The following PALS2 variants were observed in gnomAD, a reference collection of about 807,000 sequenced individuals.
PALS2 encodes protein PALS2.
PALS2 carries 27 observed loss-of-function variants against 61.6 expected under a neutral mutation model. That is an observed-to-expected ratio of 0.44 (90% confidence interval 0.32 to 0.60). The LOEUF (loss-of-function observed/expected upper bound fraction) is 0.60. Ranked by LOEUF, PALS2 falls within the 20% of genes least tolerant of loss-of-function variation. The pLI, the probability that PALS2 is intolerant of heterozygous loss-of-function variation, is 0.05. For synonymous variants in PALS2, 236 were observed against 218.6 expected, an observed-to-expected ratio of 1.08 and a Z score of -0.70; for missense variants, 554 against 639.4, an observed-to-expected ratio of 0.87 and a Z score of 1.44.
intron 5 of PALS2, among the ~76,000 whole-genome samples, chr7:24,654,173 A>G (rs1019382225): frequency 1.3e-5 from 2 of 151,982 alleles, no homozygotes; most frequent in East Asian, 3.8e-4. Flanking sequence ...AATTAGCCAG[A>G]AAATAGTTTA....
At chr7:24,650,793 C>T (rs1409394070) in intron 5 of PALS2, 81 bp downstream of exon 5, 1 of 983,440 alleles carries the variant, frequency 1.0e-6, no homozygotes, top group Admixed American at 3.1e-5. Context: ...TCAGTTGCTA[C>T]TATTTTGCTA....
chr7:24,646,362 A>T (rs1785833469), intron 3 of PALS2, among the ~76,000 whole-genome samples: 1 of 152,112 alleles, frequency 6.6e-6, no homozygotes, highest in Non-Finnish European at 1.5e-5. Context: ...TTTAACATGA[A>T]GGGTTGTTGA....
At chr7:24,632,610 A>G (rs1488830310) in intron 2 of PALS2, among the ~76,000 whole-genome samples, 2 of 152,116 alleles carry the variant, frequency 1.3e-5, no homozygotes, top group African/African-American at 4.8e-5. Context: ...GGTGGTCTCA[A>G]TCTCCTGACC....
At chr7:24,643,401 A>G (rs573016689) in intron 3 of PALS2, among the ~76,000 whole-genome samples, 3 of 152,206 alleles carry the variant, frequency 2.0e-5, no homozygotes, top group African/African-American at 7.2e-5. Flanking sequence ...TTGTACTCTT[A>G]GCGCATATTC....
At chr7:24,655,691 C>T (rs375183803) in intron 5 of PALS2, among the ~76,000 whole-genome samples, 2 of 129,926 alleles carry the variant, frequency 1.5e-5, no homozygotes, top group African/African-American at 5.9e-5. Flanking sequence ...GGTTGGAGTG[C>T]AGTGGCGTGA....
At chr7:24,655,687 A>C (rs1206727909) in intron 5 of PALS2, among the ~76,000 whole-genome samples, 1 of 122,132 alleles carries the variant, frequency 8.2e-6, no homozygotes, top group Non-Finnish European at 1.6e-5. Flanking sequence ...CCCAGGTTGG[A>C]GTGCAGTGGC....
chr7:24,691,389 A>ATGTGTGTG lies in PALS2; in HGVS notation c.*3785_*3792dup, dbSNP rs143537632. 0.025 allele frequency: 2,174 copies of ATGTGTGTG among 87,164 alleles called. 44 individuals are homozygous for ATGTGTGTG. The highest frequency in any genetic ancestry group is 0.076 in the East Asian group (153 of 2,026). The allele number at this position is 87,164 out of a possible 1,614,324, so 5.4% of individuals were successfully genotyped here. A position where few individuals can be genotyped will look rare whatever the true frequency, so the allele number is the denominator to read the frequency against. ...ATGTTCGAGTTGCCATATATTATGTATGTGTGTGTGTGTGTGTATATATAT... is the reference window on the plus strand; with the variant it reads ...ATGTTCGAGTTGCCATATATTATGTATGTGTGTGTGTGTGTGTGTGTGTGTATATATAT... On this transcript the variant is annotated 3_prime_UTR_variant, in exon 12 of 12. Transcript: ENST00000222644.
chr7:24,625,927 A>G (rs1236696829), intron 2 of PALS2, among the ~76,000 whole-genome samples: 1 of 152,304 alleles, frequency 6.6e-6, no homozygotes, highest in South Asian at 2.1e-4. Context: ...AGTAAGTCAC[A>G]GCAGCCTAGC....
At position 24,688,860 on chromosome 7, in the gene PALS2, C is replaced by G. The variant is rs961821342; in HGVS notation, c.*1246C>G. 4.0e-5 allele frequency: 6 copies of G among 151,866 alleles called. No individual in the cohort carries two copies. The highest frequency in any genetic ancestry group is 1.5e-4 in the African/African-American group (6 of 41,324). 9.4% of individuals were successfully genotyped at this position (151,866 alleles called of 1,614,324 possible). On this transcript the variant is annotated 3_prime_UTR_variant, in exon 12 of 12. Coordinates refer to ENST00000222644, the MANE Select transcript of PALS2 (RefSeq NM_001303037.2). ...ATGGAGTCTCTCTCTGTCACCCATG[C>G]TGGAGTACAGTGGCGCGATCTCAGC... is the stretch of plus-strand genomic sequence containing the variant.
At chr7:24,660,288 C>T (rs545148542) in intron 5 of PALS2, among the ~76,000 whole-genome samples, 2 of 152,028 alleles carry the variant, frequency 1.3e-5, no homozygotes, top group Admixed American at 6.6e-5. Flanking sequence ...CAGTTGAGAT[C>T]TCCCTCTGAA....
chr7:24,652,615 A>C (rs1786214590), intron 5 of PALS2, among the ~76,000 whole-genome samples: 1 of 152,008 alleles, frequency 6.6e-6, no homozygotes, highest in Non-Finnish European at 1.5e-5. Flanking sequence ...TGAAAAGGGG[A>C]ACATTACTCA....
chr7:24,636,060 A>G (rs1785221138), intron 2 of PALS2, among the ~76,000 whole-genome samples: 1 of 151,984 alleles, frequency 6.6e-6, no homozygotes, highest in African/African-American at 2.4e-5. Context: ...AAAAATACAA[A>G]AATTAGCCAG....
At chr7:24,646,538 G>C (rs192935108) in intron 3 of PALS2, among the ~76,000 whole-genome samples, 6 of 152,232 alleles carry the variant, frequency 3.9e-5, no homozygotes, top group Admixed American at 2.6e-4. Flanking sequence ...TTGATGTGCC[G>C]ATTGATTTGG....
intron 1 of PALS2, among the ~76,000 whole-genome samples, chr7:24,584,576 G>T (rs934606803): frequency 6.6e-6 from 1 of 151,296 alleles, no homozygotes; most frequent in African/African-American, 2.4e-5. Context: ...TTTGTCAGAT[G>T]AGTAGGTTGG....
At chr7:24,634,783 G>A (rs1405780279) in intron 2 of PALS2, among the ~76,000 whole-genome samples, 5 of 152,120 alleles carry the variant, frequency 3.3e-5, no homozygotes, top group Non-Finnish European at 5.9e-5. Context: ...TAGTCCATTT[G>A]TTGGACTTTC....
chr7:24,682,550 A>G lies in PALS2; in HGVS notation c.1446+2030A>G, dbSNP rs73693429. Among the ~76,000 whole-genome samples, 1,044 of 152,188 alleles carry G rather than the reference A, an allele frequency of 6.9e-3. 10 individuals are homozygous for G. The highest frequency in any genetic ancestry group is 0.023 in the African/African-American group (970 of 41,494). On this transcript the variant is annotated intron_variant, in intron 11 of 11. Coordinates refer to ENST00000222644, the MANE Select transcript of PALS2 (RefSeq NM_001303037.2). ...TCTTTCAAGCCAGGAAGCTGGGGTA[A>G]TCATAAGAGTCACTTCATTTGTTTT...
chr7:24,625,790 A>G (rs1003164628), intron 2 of PALS2, among the ~76,000 whole-genome samples: 7 of 152,200 alleles, frequency 4.6e-5, no homozygotes, highest in African/African-American at 1.7e-4. Context: ...GCAAAGAGTT[A>G]TCCAATAATA....
At chr7:24,662,768 G>GAAAAAAAAAAAAAAAAAAAAAAA (rs59367702) in intron 5 of PALS2, among the ~76,000 whole-genome samples, 8 of 102,640 alleles carry the variant, frequency 7.8e-5, no homozygotes, top group Admixed American at 2.1e-4. Context: ...GACTCCATCT[G>GAAAAAAAAAAAAAAAAAAAAAAA]AAAAAAAAAA....
At chr7:24,649,390 CAAAG>C (rs1234668012) in intron 3 of PALS2, among the ~76,000 whole-genome samples, 1 of 151,794 alleles carries the variant, frequency 6.6e-6, no homozygotes, top group African/African-American at 2.4e-5. Context: ...CTTCATATCT[CAAAG>C]AAGGAATATA....
Sources: allele counts gnomAD v4.1 joint callset (sites outside exome capture counted in the v4.1 genomes callset), GRCh38; gene constraint gnomAD v4.1.1; transcripts MANE v1.5; gene names NCBI Gene and HGNC (gene_info 2026-07-23, HGNC 2026-07-21).